Variants in AGPAT4 observed in about 807,000 individuals in gnomAD.
AGPAT4 encodes 1-acyl-sn-glycerol-3-phosphate acyltransferase delta.
A neutral mutation model predicts 48.0 loss-of-function variants in AGPAT4; 15 were observed. The observed-to-expected ratio is 0.31, with a 90% confidence interval of 0.21 to 0.48. AGPAT4 has a LOEUF of 0.48. AGPAT4 is among the 20% of genes least tolerant of loss of function. The probability of loss-of-function intolerance (pLI) is 0.99; values close to 1 mark genes in which losing one functional copy is unlikely to be tolerated. For missense variants in AGPAT4, 314 were observed against 482.5 expected (o/e 0.65, Z 3.27); for synonymous variants, 178 against 198.7 (o/e 0.90, Z 0.88).
rs1250791805 is a variant in AGPAT4 at position 161,267,570 on chromosome 6, A to T, written c.-90+6368T>A. On this transcript the variant is annotated intron_variant, in intron 1 of 8. Transcript: ENST00000320285. This position sits in a 1 kb window ranked among gnomAD's most constrained non-coding sequence, Gnocchi z 5.2. Reference sequence around the variant, plus strand: ...CTCTACTAAAAATACACACGCAAAAAAATTAGCCAGGTGTGGTGGCGCACC... The same window carrying T: ...CTCTACTAAAAATACACACGCAAAATAATTAGCCAGGTGTGGTGGCGCACC... Among the ~76,000 whole-genome samples the T allele has an allele frequency of 6.6e-6, 1 of 152,000 alleles. No individual in the cohort carries two copies. The highest frequency in any genetic ancestry group is 1.5e-5 in the Non-Finnish European group (1 of 67,988).
chr6:161,248,302 C>T (rs191180772), intron 1 of AGPAT4, among the ~76,000 whole-genome samples: 7 of 152,146 alleles, frequency 4.6e-5, no homozygotes, highest in African/African-American at 9.6e-5. Flanking sequence ...TGGCTGGGCG[C>T]GGTGGCTCAC....
In AGPAT4 at chr6:161,251,918, G is replaced by A. The variant is rs770258930; in HGVS notation, c.-89-19616C>T. On this transcript the variant is annotated intron_variant, in intron 1 of 8. Coordinates refer to ENST00000320285, the MANE Select transcript of AGPAT4 (RefSeq NM_020133.3). The surrounding 1 kb of genome is among the most constrained non-coding windows in gnomAD (Gnocchi z 4.6). ...GGAAGGCCTATGATGGTAGGGAATT[G>A]TAATTATCTTCTTAACCCATTTATG... Among the ~76,000 whole-genome samples the A allele has an allele frequency of 2.6e-4, 40 of 152,188 alleles. No individual in the cohort carries two copies. The highest frequency in any genetic ancestry group is 4.7e-4 in the Non-Finnish European group (32 of 68,038).
At chr6:161,241,215 A>T (rs1782476481) in intron 1 of AGPAT4, among the ~76,000 whole-genome samples, 1 of 148,906 alleles carries the variant, frequency 6.7e-6, no homozygotes, top group South Asian at 2.1e-4. Flanking sequence ...GTGACCCAAG[A>T]TCGCGCCATT....
intron 1 of AGPAT4, among the ~76,000 whole-genome samples, chr6:161,265,375 C>T (rs183216684): frequency 1.4e-4 from 18 of 132,770 alleles, no homozygotes; most frequent in African/African-American, 3.7e-4. Context: ...TGGGTGCTGA[C>T]TAGTACCCAC....
chr6:161,186,918 C>G (rs1287032645), intron 2 of AGPAT4, among the ~76,000 whole-genome samples: 1 of 152,170 alleles, frequency 6.6e-6, no homozygotes, highest in African/African-American at 2.4e-5. Flanking sequence ...ATAAGACCAC[C>G]CACTTGCCCC....
At position 161,195,843 on chromosome 6, in the gene AGPAT4, A is replaced by T. The variant is rs936068325; in HGVS notation, c.179-29426T>A. 6.6e-6 allele frequency among the ~76,000 whole-genome samples: 1 copy of T among 152,238 alleles called. No homozygotes were observed. The highest frequency in any genetic ancestry group is 1.5e-5 in the Non-Finnish European group (1 of 68,038). On this transcript the variant is annotated intron_variant, in intron 2 of 8. Coordinates refer to ENST00000320285, the MANE Select transcript of AGPAT4 (RefSeq NM_020133.3). The surrounding 1 kb of genome is among the most constrained non-coding windows in gnomAD (Gnocchi z 5.0). ...CTCTGGGGCAGGTGTCAGGGCCAGC[A>T]GGCAGGCTGATTGTCTAGCGTTGGC... is the stretch of plus-strand genomic sequence containing the variant.
rs1778896294 is a variant in AGPAT4 at position 161,131,458 on chromosome 6, TAAGAA to T, written c.*5077_*5081del. ...AAGTTTATTTTGGCCTAATTATTCTTAAGAAAGGTGGTTCTTTTTTAGAAAAGGGA... is the reference window on the plus strand; with the variant it reads ...AAGTTTATTTTGGCCTAATTATTCTTAGGTGGTTCTTTTTTAGAAAAGGGA... On this transcript the variant is annotated 3_prime_UTR_variant, in exon 9 of 9. Coordinates refer to ENST00000320285, the MANE Select transcript of AGPAT4 (RefSeq NM_020133.3). 6.6e-6 allele frequency: 1 copy of T among 152,564 alleles called. No homozygotes were observed. The highest frequency in any genetic ancestry group is 2.4e-5 in the African/African-American group (1 of 41,456). 9.5% of individuals were successfully genotyped at this position (152,564 alleles called of 1,614,324 possible).
In AGPAT4 at chr6:161,270,663, T is replaced by C. The variant is rs1452070080; in HGVS notation, c.-90+3275A>G. Among the ~76,000 whole-genome samples the C allele has an allele frequency of 6.6e-6, 1 of 152,120 alleles. No individual in the cohort carries two copies. The highest frequency in any genetic ancestry group is 1.5e-5 in the Non-Finnish European group (1 of 68,032). ...TGGGCGTGGTGCCACATGCTTGTGA[T>C]CCCAGCTACTCGGGAGGCTGAGGCA... On this transcript the variant is annotated intron_variant, in intron 1 of 8. Coordinates refer to ENST00000320285, the MANE Select transcript of AGPAT4 (RefSeq NM_020133.3). This position sits in a 1 kb window ranked among gnomAD's most constrained non-coding sequence, Gnocchi z 5.3.
chr6:161,181,893 C>T (rs544485027), intron 2 of AGPAT4, among the ~76,000 whole-genome samples: 3 of 152,128 alleles, frequency 2.0e-5, no homozygotes, highest in African/African-American at 4.8e-5. Flanking sequence ...TTGGAGGGGG[C>T]GTGGGGTGGA....
intron 1 of AGPAT4, among the ~76,000 whole-genome samples, chr6:161,252,854 A>C (rs1260236414): frequency 3.9e-5 from 6 of 152,080 alleles, no homozygotes; most frequent in African/African-American, 1.4e-4. Flanking sequence ...ACGACTTAGG[A>C]GGGTCAGGAA....
Position 161,232,279 on chromosome 6 carries a change from A to G in AGPAT4, c.-66T>C. 6.6e-7 allele frequency: 1 copy of G among 1,513,928 alleles called. No homozygotes were observed. Among genetic ancestry groups the G allele is most frequent in the Non-Finnish European group, 9.0e-7 (1 of 1,112,734 alleles). The allele number at this position is 1,513,928 out of a possible 1,614,324, so 93.8% of individuals were successfully genotyped here. ...CAGTCAAAGATTTCCAGAAGGAAGA[A>G]AGATCCAGGACTCAGGAAGGCGTCT... is the stretch of plus-strand genomic sequence containing the variant. On this transcript the variant is annotated 5_prime_UTR_variant, in exon 2 of 9. Transcript: ENST00000320285. The surrounding 1 kb of genome is among the most constrained non-coding windows in gnomAD (Gnocchi z 6.8).
In AGPAT4 at chr6:161,184,562, C is replaced by A. The variant is rs1038682632; in HGVS notation, c.179-18145G>T. 2.0e-5 allele frequency among the ~76,000 whole-genome samples: 3 copies of A among 151,956 alleles called. No homozygotes were observed. Among genetic ancestry groups the A allele is most frequent in the Non-Finnish European group, 4.4e-5 (3 of 67,978 alleles). On this transcript the variant is annotated intron_variant, in intron 2 of 8. Transcript: ENST00000320285. The surrounding 1 kb of genome is among the most constrained non-coding windows in gnomAD (Gnocchi z 4.8). Reference sequence around the variant, plus strand: ...GTAGCCCTGGCCTCCCCTGGCCCTGCCCCGGACCCCCCATTCCCACCTGTC... The same window carrying A: ...GTAGCCCTGGCCTCCCCTGGCCCTGACCCGGACCCCCCATTCCCACCTGTC...
rs910725 is a variant in AGPAT4 at position 161,139,050 on chromosome 6, G to A, written c.1042+372C>T. Among the ~76,000 whole-genome samples the A allele has an allele frequency of 0.043, 6,596 of 152,320 alleles. 182 individuals carry two copies. The highest frequency in any genetic ancestry group is 0.049 in the Non-Finnish European group (3,367 of 68,022). The stretch of plus-strand genomic sequence containing the variant: ...GGGAGCTGCCCATCCGTCCCCGCCA[G>A]GCTCCAGCACAGGGCTTTCTTCAGA... On this transcript the variant is annotated intron_variant, in intron 8 of 8. Transcript: ENST00000320285. The surrounding 1 kb of genome is among the most constrained non-coding windows in gnomAD (Gnocchi z 9.1).
At position 161,223,065 on chromosome 6, in the gene AGPAT4, C is replaced by G. The variant is rs936697758; in HGVS notation, c.178+8971G>C. Among the ~76,000 whole-genome samples, 2 of 152,112 alleles carry G rather than the reference C, an allele frequency of 1.3e-5. No homozygotes were observed. Among genetic ancestry groups the G allele is most frequent in the Non-Finnish European group, 1.5e-5 (1 of 68,026 alleles). ...CCCTGCACAGGATGGCTGGGCTGTC[C>G]CCTTCCCTGCACTCCCTGTGTACCT... is the stretch of plus-strand genomic sequence containing the variant. On this transcript the variant is annotated intron_variant, in intron 2 of 8. Transcript: ENST00000320285. The surrounding 1 kb of genome is among the most constrained non-coding windows in gnomAD (Gnocchi z 6.3).
chr6:161,224,157 TG>T (rs1562345814), intron 2 of AGPAT4, among the ~76,000 whole-genome samples: 1 of 152,202 alleles, frequency 6.6e-6, no homozygotes, highest in African/African-American at 2.4e-5. Flanking sequence ...TAACCTGATA[TG>T]GTCTTTTGTT....
chr6:161,153,237 C>G (rs1481790718), intron 5 of AGPAT4, 109 bp downstream of exon 5: 1 of 1,426,740 alleles, frequency 7.0e-7, no homozygotes, highest in Non-Finnish European at 9.4e-7. Context: ...AGCTCCTAGC[C>G]TCAAGTCAGC....
rs1168507181 is a variant in AGPAT4 at position 161,251,253 on chromosome 6, CA to C, written c.-89-18952del. On this transcript the variant is annotated intron_variant, in intron 1 of 8. Transcript: ENST00000320285. The surrounding 1 kb of genome is among the most constrained non-coding windows in gnomAD (Gnocchi z 4.6). ...CTCTGTGAAGATTTAAATGGATTTC[CA>C]AATAGCTAACCAGTTGTATCCAAGG... is the stretch of plus-strand genomic sequence containing the variant. 6.6e-6 allele frequency among the ~76,000 whole-genome samples: 1 copy of C among 152,174 alleles called. No homozygotes were observed. Among genetic ancestry groups the C allele is most frequent in the Non-Finnish European group, 1.5e-5 (1 of 68,028 alleles).
chr6:161,202,796 G>A lies in AGPAT4; in HGVS notation c.178+29240C>T, dbSNP rs1781269881. Among the ~76,000 whole-genome samples the A allele has an allele frequency of 6.6e-6, 1 of 152,166 alleles. No homozygotes were observed. On this transcript the variant is annotated intron_variant, in intron 2 of 8. Transcript: ENST00000320285. The surrounding 1 kb of genome is among the most constrained non-coding windows in gnomAD (Gnocchi z 5.4). The stretch of plus-strand genomic sequence containing the variant: ...GCCAGGTCATAACCTTATGCCCCGT[G>A]AATGGGGACACTGACTTTTGGAGCC...
Position 161,234,337 on chromosome 6 carries a change from G to A in AGPAT4, c.-89-2035C>T, listed in dbSNP as rs1174553513. On this transcript the variant is annotated intron_variant, in intron 1 of 8. Transcript: ENST00000320285. The surrounding 1 kb of genome is among the most constrained non-coding windows in gnomAD (Gnocchi z 4.4). ...GCCTGATTTCTCTGAAATCATCTTA[G>A]CTCCACTGAGACATCCCATTCTCTA... is the stretch of plus-strand genomic sequence containing the variant. Among the ~76,000 whole-genome samples the A allele has an allele frequency of 6.6e-6, 1 of 152,158 alleles. No homozygotes were observed. Among genetic ancestry groups the A allele is most frequent in the Non-Finnish European group, 1.5e-5 (1 of 68,028 alleles).
Sources: gnomAD v4.1 joint callset for allele counts (sites outside exome capture counted in the v4.1 genomes callset) on GRCh38, gnomAD v4.1.1 for gene constraint, Gnocchi (gnomAD v3.1) non-coding constraint, MANE v1.5 for transcripts, NCBI Gene and HGNC (gene_info 2026-07-23, HGNC 2026-07-21) for gene names.